KIF2A: variants seen among roughly 807,000 people sequenced by gnomAD.
KIF2A encodes the protein kinesin family member 2A.
A neutral mutation model predicts 100.2 loss-of-function variants in KIF2A; 22 were observed. That is an observed-to-expected ratio of 0.22 (90% CI 0.16 to 0.31). KIF2A has a LOEUF of 0.31. KIF2A is among the 10% of genes least tolerant of loss of function. The probability of loss-of-function intolerance (pLI) is 1.00; values close to 1 mark genes in which losing one functional copy is unlikely to be tolerated. For missense variants in KIF2A, 495 were observed against 898.7 expected, an observed-to-expected ratio of 0.55 and a Z score of 5.74; for synonymous variants, 268 against 285.9, an observed-to-expected ratio of 0.94 and a Z score of 0.63.
chr5:62,363,164 A>G lies in KIF2A; in HGVS notation c.1120-14A>G, dbSNP rs2111959172. On this transcript the variant is annotated splice_polypyrimidine_tract_variant and intron_variant, in intron 12 of 20. Transcript: ENST00000407818. ...TTAAAGCTAGTTTTCTAATTTGAAT[A>G]TGGTTTTTCATAGGTGTTTGACTTG... 1 of 1,586,776 alleles carries G rather than the reference A, an allele frequency of 6.3e-7. No homozygotes were observed. Among genetic ancestry groups the G allele is most frequent in the Non-Finnish European group, 8.6e-7 (1 of 1,165,748 alleles).
chr5:62,308,051 A>G (rs914999219), intron 1 of KIF2A, among the ~76,000 whole-genome samples: 1 of 152,122 alleles, frequency 6.6e-6, no homozygotes, highest in Non-Finnish European at 1.5e-5. Flanking sequence ...ATTGATTTTC[A>G]TGTTGTGTGT....
intron 1 of KIF2A, among the ~76,000 whole-genome samples, chr5:62,329,271 G>A (rs1030170852): frequency 6.6e-6 from 1 of 152,176 alleles, no homozygotes; most frequent in Admixed American, 6.5e-5. Context: ...ATTCCCCAGA[G>A]ATTTACTAAA....
At chr5:62,383,200 T>A (rs1456428848) in intron 20 of KIF2A, among the ~76,000 whole-genome samples, 2 of 149,546 alleles carry the variant, frequency 1.3e-5, no homozygotes, top group Non-Finnish European at 1.5e-5. Context: ...GTGCTGAGAT[T>A]ACAGGCATGA....
At chr5:62,347,920 A>T in intron 2 of KIF2A, 128 bp from the exon 3 acceptor site, 1 of 984,608 alleles carries the variant, frequency 1.0e-6, no homozygotes, top group South Asian at 1.8e-5. Flanking sequence ...CACTGCACCC[A>T]GCCGAGTTAC....
intron 1 of KIF2A, among the ~76,000 whole-genome samples, chr5:62,333,509 T>G (rs1208273243): frequency 6.6e-6 from 1 of 152,154 alleles, no homozygotes; most frequent in East Asian, 1.9e-4. Context: ...TGTGCAAGTT[T>G]AGTGAGATCA....
At chr5:62,357,356 T>G (rs1271802157) in intron 7 of KIF2A, among the ~76,000 whole-genome samples, 3 of 152,134 alleles carry the variant, frequency 2.0e-5, no homozygotes, top group African/African-American at 7.2e-5. Flanking sequence ...AGTGCTGGGA[T>G]TATAGGAATG....
chr5:62,348,939 A>G (rs1379274677), intron 3 of KIF2A, among the ~76,000 whole-genome samples: 1 of 152,196 alleles, frequency 6.6e-6, no homozygotes, highest in South Asian at 2.1e-4. Context: ...TAGGAACTTG[A>G]TATCTTTCAG....
chr5:62,340,644 C>T (rs556215565), intron 1 of KIF2A, among the ~76,000 whole-genome samples: 4 of 152,248 alleles, frequency 2.6e-5, no homozygotes, highest in African/African-American at 7.2e-5. Flanking sequence ...CTTGTTATGC[C>T]TGTATGTTGT....
At chr5:62,329,528 G>T (rs1561254530) in intron 1 of KIF2A, among the ~76,000 whole-genome samples, 1 of 152,340 alleles carries the variant, frequency 6.6e-6, no homozygotes, top group East Asian at 1.9e-4. Flanking sequence ...TTACTGGTCA[G>T]TGGCACCTAG....
chr5:62,318,903 C>G (rs887782552), intron 1 of KIF2A, among the ~76,000 whole-genome samples: 5 of 152,276 alleles, frequency 3.3e-5, no homozygotes, highest in Admixed American at 2.0e-4. Flanking sequence ...CCCATCACCC[C>G]TTCCTCAAGT....
intron 7 of KIF2A, among the ~76,000 whole-genome samples, chr5:62,355,592 T>C (rs1748061416): frequency 1.3e-5 from 2 of 152,170 alleles, no homozygotes. Context: ...TCCAAGCTTA[T>C]CTTTGTCTTG....
chr5:62,358,192 G>A lies in KIF2A; in HGVS notation c.765G>A (p.Met255Ile). Residue 255 changes from methionine (M) to isoleucine (I), a missense_variant, in exon 9 of 21, where the codon ATG becomes ATA. Transcript: ENST00000407818. ...VITIPSKDVV[M>I]VHEPKQKVDL... is the part of the protein sequence containing the mutation. ...CAATTCCTAGTAAAGATGTTGTGATGGTACATGAACCAAAACAAAAAGTAG... is the reference window on the plus strand; with the variant it reads ...CAATTCCTAGTAAAGATGTTGTGATAGTACATGAACCAAAACAAAAAGTAG... 6.3e-7 allele frequency: 1 copy of A among 1,595,110 alleles called. No individual in the cohort carries two copies. The highest frequency in any genetic ancestry group is 8.5e-7 in the Non-Finnish European group (1 of 1,173,040).
intron 3 of KIF2A, among the ~76,000 whole-genome samples, 154 bp downstream of exon 3, chr5:62,348,321 T>G (rs559315358): frequency 5.3e-5 from 8 of 152,188 alleles, no homozygotes; most frequent in Non-Finnish European, 7.4e-5. Context: ...ACATACATAT[T>G]TTCAAGGATT....
At chr5:62,347,353 A>G (rs1278768187) in intron 2 of KIF2A, 129 bp downstream of exon 2, 1 of 584,474 alleles carries the variant, frequency 1.7e-6, no homozygotes, top group Admixed American at 3.3e-5. Flanking sequence ...AAAACTTTCA[A>G]ATGATTAAAA....
chr5:62,373,760 A>T lies in KIF2A; in HGVS notation c.1834A>T (p.Ile612Phe), dbSNP rs1325703693. 1 of 1,613,090 alleles carries T rather than the reference A, an allele frequency of 6.2e-7. No individual in the cohort carries two copies. Among genetic ancestry groups the T allele is most frequent in the Non-Finnish European group, 8.5e-7 (1 of 1,179,152 alleles). Reference sequence around the variant, plus strand: ...AATAATGCACCATCCACCAAACCAGATTGATGACTTAGAGACACAGTGGGG... The same window carrying T: ...AATAATGCACCATCCACCAAACCAGTTTGATGACTTAGAGACACAGTGGGG... ...RPIMHHPPNQIDDLETQWGVG... is the reference protein window; with the variant it reads ...RPIMHHPPNQFDDLETQWGVG... The change falls in exon 18 of 21, where the codon ATT becomes TTT. Residue 612 changes from isoleucine to phenylalanine, a missense_variant. Coordinates refer to ENST00000407818, the MANE Select transcript of KIF2A (RefSeq NM_001098511.3).
intron 16 of KIF2A, 68 bp downstream of exon 16, chr5:62,366,549 C>A (rs1179210339): frequency 1.0e-6 from 1 of 974,196 alleles, no homozygotes; most frequent in African/African-American, 1.6e-5. Flanking sequence ...AATTTAATAT[C>A]TGCCTCGTGC....
rs2257389 is a variant in KIF2A at position 62,390,820 on chromosome 5, C to T, written c.*5251C>T. On this transcript the variant is annotated 3_prime_UTR_variant, in exon 21 of 21. Transcript: ENST00000407818. ...CTTAAAAGCCTTTAAAATCTCCAAT[C>T]TGAAGGTGTCACAGTAAAGAAATGT... is the stretch of plus-strand genomic sequence containing the variant. 0.18 allele frequency: 248,677 copies of T among 1,417,348 alleles called. 23,520 individuals carry two copies. Among genetic ancestry groups the T allele is most frequent in the East Asian group, 0.35 (15,283 of 43,912 alleles). The allele number at this position is 1,417,348 out of a possible 1,614,324, so 87.8% of individuals were successfully genotyped here.
intron 8 of KIF2A, 144 bp from the exon 9 acceptor site, chr5:62,357,993 G>A (rs572562804): frequency 1.4e-6 from 1 of 692,182 alleles, no homozygotes; most frequent in Non-Finnish European, 2.4e-6. Flanking sequence ...TTTTGTCTTA[G>A]TGAGTTGCAT....
chr5:62,385,276 C>T lies in KIF2A; in HGVS notation c.2150-208C>T, dbSNP rs538593861. ...AAAGCTATTGAAAGATACAGAAAAACAGGTATTTCTGGAAATCTGTAACAA... is the reference window on the plus strand; with the variant it reads ...AAAGCTATTGAAAGATACAGAAAAATAGGTATTTCTGGAAATCTGTAACAA... On this transcript the variant is annotated intron_variant, in intron 20 of 20. Transcript: ENST00000407818. Among the ~76,000 whole-genome samples, 26 of 152,164 alleles carry T rather than the reference C, an allele frequency of 1.7e-4. No homozygotes were observed. The Middle Eastern group carries it at 0.01, about 60-fold the overall frequency.
Sources: gnomAD v4.1 joint callset for allele counts (sites outside exome capture counted in the v4.1 genomes callset) on GRCh38, gnomAD v4.1.1 for gene constraint, MANE v1.5 for transcripts, NCBI Gene and HGNC (gene_info 2026-07-23, HGNC 2026-07-21) for gene names.